Variants in NCKAP5 observed in about 807,000 individuals in gnomAD.
NCKAP5 encodes NCK associated protein 5.
In NCKAP5, 92 loss-of-function variants were observed where a neutral mutation model predicts 167.0. The observed-to-expected ratio is 0.55, with a 90% CI of 0.47 to 0.66. The LOEUF is 0.66. Among genes scored for constraint, NCKAP5 ranks in the 30% least tolerant of loss-of-function variants. The pLI, the probability that NCKAP5 is intolerant of heterozygous loss-of-function variation, is 0.00. For synonymous variants in NCKAP5, 891 were observed against 877.4 expected, an observed-to-expected ratio of 1.02 and a Z score of -0.27; for missense variants, 2,378 against 2,315.0, an observed-to-expected ratio of 1.03 and a Z score of -0.56.
intron 5 of NCKAP5, among the ~76,000 whole-genome samples, chr2:133,156,149 C>G (rs1024700368): frequency 2.6e-5 from 4 of 152,186 alleles, no homozygotes; most frequent in Non-Finnish European, 5.9e-5. Flanking sequence ...GATGTGCCAT[C>G]TATTTCCCAT....
intron 11 of NCKAP5, among the ~76,000 whole-genome samples, chr2:132,816,066 T>C (rs962764193): frequency 6.6e-6 from 1 of 152,124 alleles, no homozygotes; most frequent in African/African-American, 2.4e-5. Context: ...ATCTTTTGAG[T>C]CTTCATTTCC....
Position 132,784,144 on chromosome 2 carries a change from C to A in NCKAP5, c.2667G>T (p.Lys889Asn). 6.5e-7 allele frequency: 1 copy of A among 1,526,910 alleles called. No individual in the cohort carries two copies. 94.6% of individuals were successfully genotyped at this position (1,526,910 alleles called of 1,614,324 possible). A position where few individuals can be genotyped will look rare whatever the true frequency, so the allele number is the denominator to read the frequency against. Residue 889 changes from lysine (K) to asparagine (N), a missense_variant, in exon 14 of 20, where the codon AAG becomes AAT. Lys to Asn is a moderately conservative substitution (Grantham distance 94). This residue lies in a region of NCKAP5 where 1,325 missense variants were observed against 1,274.5 expected (regional missense o/e 1.04). Coordinates refer to ENST00000409261, the MANE Select transcript of NCKAP5 (RefSeq NM_207363.3). ...PSRRDWVQCP[K>N]SQTPGSRSRP... The stretch of plus-strand genomic sequence containing the variant: ...TTGACCGTGACCCTGGAGTCTGACT[C>A]TTGGGGCACTGGACCCAGTCCCTCC...
intron 6 of NCKAP5, among the ~76,000 whole-genome samples, chr2:133,016,839 T>A (rs1201693204): frequency 6.6e-6 from 1 of 152,190 alleles, no homozygotes; most frequent in Non-Finnish European, 1.5e-5. Context: ...TGTATTTTGA[T>A]GGGGAATTAA....
intron 7 of NCKAP5, among the ~76,000 whole-genome samples, chr2:132,982,181 T>C (rs1399263292): frequency 6.6e-6 from 1 of 152,216 alleles, no homozygotes; most frequent in Non-Finnish European, 1.5e-5. Context: ...TATTGAATAC[T>C]TAAAATGTGC....
intron 6 of NCKAP5, among the ~76,000 whole-genome samples, chr2:133,036,259 T>G (rs533497820): frequency 6.6e-6 from 1 of 151,996 alleles, no homozygotes; most frequent in Admixed American, 6.6e-5. Flanking sequence ...GAAGAACTAA[T>G]AGCAATCCTA....
intron 3 of NCKAP5, among the ~76,000 whole-genome samples, chr2:133,510,405 G>A (rs189703774): frequency 3.9e-4 from 59 of 152,148 alleles, no homozygotes; most frequent in South Asian, 2.7e-3. Context: ...ACACATGCAC[G>A]TACACACACA....
rs539267261 is a variant in NCKAP5, at chr2:133,172,121, A to G, written c.207+41595T>C. Reference sequence around the variant, plus strand: ...AGCCCCAACTATATACCTATTTATCATTAAGCCAAAAATGTAGATAACCTT... The same window carrying G: ...AGCCCCAACTATATACCTATTTATCGTTAAGCCAAAAATGTAGATAACCTT... On this transcript the variant is annotated intron_variant, in intron 5 of 19. Transcript: ENST00000409261. Among the ~76,000 whole-genome samples the G allele has an allele frequency of 2.0e-5, 3 of 152,364 alleles. No homozygotes were observed. The East Asian group carries it at 5.8e-4, about 29-fold the overall frequency.
At chr2:133,440,133 CA>C (rs1436214211) in intron 3 of NCKAP5, among the ~76,000 whole-genome samples, 1 of 152,026 alleles carries the variant, frequency 6.6e-6, no homozygotes, top group Non-Finnish European at 1.5e-5. Context: ...CTGCATAGCA[CA>C]AAACACATAG....
intron 15 of NCKAP5, among the ~76,000 whole-genome samples, chr2:132,774,526 G>A (rs7603615): frequency 6.6e-6 from 1 of 151,806 alleles, no homozygotes. Flanking sequence ...CAGTTGGAAG[G>A]CCCAGGCACT....
the NCKAP5 span, among the ~76,000 whole-genome samples, chr2:133,575,877 C>T: frequency 2.6e-5 from 4 of 152,296 alleles, no homozygotes; most frequent in East Asian, 3.9e-4. Context: ...GATCTCTTAA[C>T]GATAAACATG....
intron 11 of NCKAP5, among the ~76,000 whole-genome samples, chr2:132,797,918 C>T (rs1012605631): frequency 2.0e-5 from 3 of 152,208 alleles, no homozygotes; most frequent in Admixed American, 6.5e-5. Context: ...AACATTTATA[C>T]AGCACCTCCT....
chr2:133,428,331 A>G (rs567996470), intron 3 of NCKAP5, among the ~76,000 whole-genome samples: 41 of 152,192 alleles, frequency 2.7e-4, no homozygotes, highest in Non-Finnish European at 5.4e-4. Flanking sequence ...TATTAATAAA[A>G]TTTTGATAAA....
chr2:133,634,596 A>T, the NCKAP5 span, among the ~76,000 whole-genome samples: 2 of 152,168 alleles, frequency 1.3e-5, no homozygotes, highest in Admixed American at 1.3e-4. Context: ...TCCAAGTAAT[A>T]ACACTTTTAC....
Position 132,863,386 on chromosome 2 carries a change from A to G in NCKAP5, c.688-2775T>C, listed in dbSNP as rs79326088. On this transcript the variant is annotated intron_variant, in intron 10 of 19. Coordinates refer to ENST00000409261, the MANE Select transcript of NCKAP5 (RefSeq NM_207363.3). The stretch of plus-strand genomic sequence containing the variant: ...TGCAAGTAAAAGGGGACCTGAAAGC[A>G]ATAGTAACCACGATTTTTAGCAGCA... 2.2e-3 allele frequency among the ~76,000 whole-genome samples: 331 copies of G among 152,026 alleles called. 2 individuals are homozygous for G. The highest frequency in any genetic ancestry group is 7.5e-3 in the African/African-American group (310 of 41,442).
intron 6 of NCKAP5, among the ~76,000 whole-genome samples, chr2:133,115,346 C>A (rs556315768): frequency 2.6e-5 from 4 of 152,060 alleles, no homozygotes; most frequent in Non-Finnish European, 4.4e-5. Flanking sequence ...CTAAAAGCAA[C>A]GATATTTTGT....
the NCKAP5 span, among the ~76,000 whole-genome samples, chr2:133,661,157 A>T: frequency 6.6e-6 from 1 of 152,118 alleles, no homozygotes; most frequent in Non-Finnish European, 1.5e-5. Flanking sequence ...ACGAGGATTG[A>T]TGAGGGTGGT....
chr2:132,816,779 G>C (rs1686310208), intron 11 of NCKAP5, among the ~76,000 whole-genome samples: 1 of 152,098 alleles, frequency 6.6e-6, no homozygotes, highest in Non-Finnish European at 1.5e-5. Flanking sequence ...CAAAACCCCT[G>C]AGCAGACAAT....
the NCKAP5 span, among the ~76,000 whole-genome samples, chr2:133,618,611 T>A: frequency 6.6e-6 from 1 of 151,886 alleles, no homozygotes; most frequent in Admixed American, 6.6e-5. Flanking sequence ...TGAGATACCA[T>A]CTCATACCAG....
At chr2:132,937,276 A>G (rs1696925929) in intron 8 of NCKAP5, among the ~76,000 whole-genome samples, 1 of 152,182 alleles carries the variant, frequency 6.6e-6, no homozygotes, top group Non-Finnish European at 1.5e-5. Flanking sequence ...GGGAATATGC[A>G]CGGAACAACG....
Sources: allele counts gnomAD v4.1 joint callset (sites outside exome capture counted in the v4.1 genomes callset), GRCh38; gene constraint gnomAD v4.1.1; regional missense constraint gnomAD v4.1.1; transcripts MANE v1.5; gene names NCBI Gene and HGNC (gene_info 2026-07-23, HGNC 2026-07-21).